VPS13D: variants seen among roughly 807,000 people sequenced by gnomAD.
VPS13D encodes intermembrane lipid transfer protein VPS13D.
Under a neutral mutation model 461.9 loss-of-function variants are expected in VPS13D, and 187 were observed. The observed-to-expected ratio is 0.40, with a 90% confidence interval of 0.36 to 0.46. The LOEUF (loss-of-function observed/expected upper bound fraction) is 0.46, where lower values mean the gene tolerates loss of function less well. Ranked by LOEUF, VPS13D falls within the 20% of genes least tolerant of loss-of-function variation. The pLI is 0.60. For missense variants in VPS13D, 4,711 were observed against 5,364.9 expected (o/e 0.88, Z 3.81); for synonymous variants, 1,951 against 1,986.3 (o/e 0.98, Z 0.47).
chr1:12,404,166 T>TAAAAA (rs75598248), intron 63 of VPS13D, among the ~76,000 whole-genome samples, 193 bp downstream of exon 63: 1 of 123,146 alleles, frequency 8.1e-6, no homozygotes, highest in South Asian at 3.0e-4. Flanking sequence ...TATTTGTCTT[T>TAAAAA]AAAAAAAAAA....
At chr1:12,443,175 G>C (rs1279283854) in intron 65 of VPS13D, among the ~76,000 whole-genome samples, 1 of 152,158 alleles carries the variant, frequency 6.6e-6, no homozygotes, top group African/African-American at 2.4e-5. Flanking sequence ...TCTGTTTACA[G>C]TTTTACCAAA....
Position 12,239,983 on chromosome 1 carries a change from G to A in VPS13D, c.98-2530G>A, listed in dbSNP as rs144777946. On this transcript the variant is annotated intron_variant, in intron 2 of 69. Transcript: ENST00000620676. ...TGGGTGTTTTTCTGCTTGGCTCTTTGGAGGGACCTTTCCCTGCAGGGCCAG... is the reference window on the plus strand; with the variant it reads ...TGGGTGTTTTTCTGCTTGGCTCTTTAGAGGGACCTTTCCCTGCAGGGCCAG... Among the ~76,000 whole-genome samples, 32 of 152,198 alleles carry A rather than the reference G, an allele frequency of 2.1e-4. No individual in the cohort carries two copies. The East Asian group carries it at 6.2e-3, about 29-fold the overall frequency.
chr1:12,268,925 T>G (rs745933500), intron 16 of VPS13D, 49 bp downstream of exon 16: 5 of 1,572,612 alleles, frequency 3.2e-6, no homozygotes, highest in Non-Finnish European at 4.3e-6. Flanking sequence ...AAAAACATCT[T>G]TATTGTTATT....
In VPS13D at chr1:12,299,168, T is replaced by A; in HGVS notation, c.6034-34T>A. 2 of 1,530,458 alleles carry A rather than the reference T, an allele frequency of 1.3e-6. No homozygotes were observed. The highest frequency in any genetic ancestry group is 1.4e-5 in the African/African-American group (1 of 71,580). The allele number at this position is 1,530,458 out of a possible 1,614,324, so 94.8% of individuals were successfully genotyped here. A position where few individuals can be genotyped will look rare whatever the true frequency, so the allele number is the denominator to read the frequency against. On this transcript the variant is annotated intron_variant, in intron 24 of 69. Transcript: ENST00000620676. The surrounding 1 kb of genome is among the most constrained non-coding windows in gnomAD (Gnocchi z 4.2). The stretch of plus-strand genomic sequence containing the variant: ...TTTGGTGGTAAAATTAGGGAATTAA[T>A]TATCCTCTGAGTCAGTTTTCCTTCC...
At chr1:12,398,734 C>T (rs542972348) in intron 60 of VPS13D, among the ~76,000 whole-genome samples, 9 of 152,286 alleles carry the variant, frequency 5.9e-5, no homozygotes, top group African/African-American at 2.2e-4. Flanking sequence ...CTGACTTAAT[C>T]GTTTCGTTCC....
At chr1:12,406,040 C>G (rs147235510) in intron 63 of VPS13D, among the ~76,000 whole-genome samples, 5 of 151,928 alleles carry the variant, frequency 3.3e-5, no homozygotes, top group African/African-American at 1.2e-4. Context: ...TCATCTGGCA[C>G]TGAATTGAAG....
At chr1:12,291,994 C>T in intron 23 of VPS13D, among the ~76,000 whole-genome samples, 1 of 152,140 alleles carries the variant, frequency 6.6e-6, no homozygotes, top group African/African-American at 2.4e-5. Context: ...CGTGGTGGCT[C>T]ACGCCTGTAA....
At chr1:12,236,979 TGTTA>T (rs1640168343) in intron 2 of VPS13D, among the ~76,000 whole-genome samples, 1 of 152,056 alleles carries the variant, frequency 6.6e-6, no homozygotes, top group Non-Finnish European at 1.5e-5. Flanking sequence ...TCTCAGTCAA[TGTTA>T]GTTATCATCC....
intron 65 of VPS13D, among the ~76,000 whole-genome samples, chr1:12,444,326 CTT>C (rs1211316426): frequency 6.6e-6 from 1 of 151,868 alleles, no homozygotes; most frequent in African/African-American, 2.4e-5. Flanking sequence ...AAGATTTACT[CTT>C]TGTTTTTAGT....
rs527391297 is a variant in VPS13D, at chr1:12,362,802, A to G, written c.10224A>G (p.Lys3408=). The G allele has an allele frequency of 2.5e-6, 4 of 1,614,230 alleles. No individual in the cohort carries two copies. Among genetic ancestry groups the G allele is most frequent in the Admixed American group, 1.7e-5 (1 of 60,026 alleles). ...CCCCCCGTTACCTGTTAGATAATAA[A>G]TCATCTCACAAGCTTGCATTTGCAC... is the stretch of plus-strand genomic sequence containing the variant. ...IFAPRYLLDN[K]SSHKLAFAQR... The change falls in exon 51 of 70, where the codon AAA becomes AAG. Residue 3408 remains lysine, a synonymous_variant. Coordinates refer to ENST00000620676, the MANE Select transcript of VPS13D (RefSeq NM_015378.4).
chr1:12,472,766 C>T (rs1417828411), intron 67 of VPS13D, among the ~76,000 whole-genome samples: 1 of 152,162 alleles, frequency 6.6e-6, no homozygotes. Context: ...CCCCTTTACC[C>T]CCAACTAGTG....
In VPS13D at chr1:12,257,932, C is replaced by T. The variant is rs868625005; in HGVS notation, c.942-3C>T. 1 of 1,614,134 alleles carries T rather than the reference C, an allele frequency of 6.2e-7. No homozygotes were observed. The highest frequency in any genetic ancestry group is 8.5e-7 in the Non-Finnish European group (1 of 1,180,002). Reference sequence around the variant, plus strand: ...GTGATTACATCGTTATGGACTATTTCAGCTGCCGAGAATGGTGGTATTTTG... The same window carrying T: ...GTGATTACATCGTTATGGACTATTTTAGCTGCCGAGAATGGTGGTATTTTG... On this transcript the variant is annotated splice_polypyrimidine_tract_variant and splice_region_variant and intron_variant, in intron 9 of 69. Coordinates refer to ENST00000620676, the MANE Select transcript of VPS13D (RefSeq NM_015378.4).
rs188889115 is a variant in VPS13D at position 12,329,363 on chromosome 1, G to A, written c.8198-466G>A. On this transcript the variant is annotated intron_variant, in intron 36 of 69. Transcript: ENST00000620676. ...CAAATAACTGGGATTACAGGCGCCC[G>A]CTACCACGCCCAGCCAGTTTTTGTA... is the stretch of plus-strand genomic sequence containing the variant. Among the ~76,000 whole-genome samples, 245 of 152,168 alleles carry A rather than the reference G, an allele frequency of 1.6e-3. 2 individuals are homozygous for A. The highest frequency in any genetic ancestry group is 5.7e-3 in the African/African-American group (237 of 41,526).
chr1:12,366,700 C>T (rs1644040258), intron 52 of VPS13D, among the ~76,000 whole-genome samples: 1 of 152,180 alleles, frequency 6.6e-6, no homozygotes, highest in Non-Finnish European at 1.5e-5. Flanking sequence ...CATTTACTTT[C>T]CTCACCTTTT....
At position 12,301,514 on chromosome 1, in the gene VPS13D, G is replaced by A. The variant is rs144116514; in HGVS notation, c.6216+2130G>A. ...ATAGGGCGAGACCCCGCAGCGTCCC[G>A]AACACAGAAGCTTTTGTGCCATGGA... On this transcript the variant is annotated intron_variant, in intron 25 of 69. Coordinates refer to ENST00000620676, the MANE Select transcript of VPS13D (RefSeq NM_015378.4). Among the ~76,000 whole-genome samples the A allele has an allele frequency of 1.7e-3, 255 of 152,308 alleles. 3 individuals carry two copies. In the Middle Eastern group the frequency reaches 0.02, roughly 12 times the overall value.
intron 65 of VPS13D, among the ~76,000 whole-genome samples, chr1:12,448,474 T>G (rs766540338): frequency 8.5e-5 from 13 of 152,226 alleles, no homozygotes; most frequent in Admixed American, 2.6e-4. Flanking sequence ...TTCATGGGGT[T>G]TCAGCAACAG....
chr1:12,443,625 C>A (rs943509067), intron 65 of VPS13D, among the ~76,000 whole-genome samples: 1 of 151,972 alleles, frequency 6.6e-6, no homozygotes, highest in Non-Finnish European at 1.5e-5. Context: ...CTGTTATTGT[C>A]ATGTATTTTA....
chr1:12,314,460 C>T, intron 30 of VPS13D, 133 bp downstream of exon 30: 1 of 832,326 alleles, frequency 1.2e-6, no homozygotes, highest in Non-Finnish European at 1.9e-6. Context: ...TTAATCAGTG[C>T]AGTGTACTGT....
At chr1:12,265,753 A>G (rs963215124) in intron 13 of VPS13D, among the ~76,000 whole-genome samples, 10 of 152,240 alleles carry the variant, frequency 6.6e-5, no homozygotes, top group African/African-American at 2.4e-4. Flanking sequence ...AATTGCTGGA[A>G]TCTCATGATC....
Sources: gnomAD v4.1 joint callset for allele counts (sites outside exome capture counted in the v4.1 genomes callset) on GRCh38, gnomAD v4.1.1 for gene constraint, Gnocchi (gnomAD v3.1) non-coding constraint, MANE v1.5 for transcripts, NCBI Gene and HGNC (gene_info 2026-07-23, HGNC 2026-07-21) for gene names.